Variants in CSMD1 observed in about 807,000 individuals in gnomAD.
CSMD1 encodes CUB and Sushi multiple domains 1, also known as CUB and sushi domain-containing protein 1.
Under a neutral mutation model 417.5 loss-of-function variants are expected in CSMD1, and 213 were observed. The ratio of observed to expected loss-of-function variants is 0.51; its 90% confidence interval spans 0.46 to 0.57. The LOEUF is 0.57. Among genes scored for constraint, CSMD1 ranks in the 20% least tolerant of loss-of-function variants. The pLI is 0.00. For missense variants in CSMD1, 6,923 were observed against 4,529.7 expected (o/e 1.53, Z -15.17); for synonymous variants, 2,862 against 1,736.8 (o/e 1.65, Z -16.11).
chr8:4,784,946 G>A (rs1249196244), intron 1 of CSMD1, among the ~76,000 whole-genome samples: 2 of 150,438 alleles, frequency 1.3e-5, no homozygotes, highest in Admixed American at 6.6e-5. Flanking sequence ...ACTAAATTAG[G>A]CTCATAAGTG....
At chr8:3,694,543 C>G (rs1800442426) in intron 7 of CSMD1, among the ~76,000 whole-genome samples, 1 of 152,046 alleles carries the variant, frequency 6.6e-6, no homozygotes, top group Middle Eastern at 3.4e-3. Context: ...GTGAGATCCC[C>G]AGGTTCAGGT....
chr8:3,562,330 A>C (rs1218454498), intron 10 of CSMD1, among the ~76,000 whole-genome samples: 2 of 152,112 alleles, frequency 1.3e-5, no homozygotes, highest in African/African-American at 4.8e-5. Context: ...CCTTTCCTCT[A>C]TCTGCATCTT....
chr8:4,438,665 C>A (rs1208730555), intron 2 of CSMD1, among the ~76,000 whole-genome samples: 3 of 152,188 alleles, frequency 2.0e-5, no homozygotes, highest in Non-Finnish European at 4.4e-5. Flanking sequence ...GGAATTCCTG[C>A]AGGTAGAGCC....
At position 3,555,278 on chromosome 8, in the gene CSMD1, G is replaced by T. The variant is rs554488786; in HGVS notation, c.1344+19667C>A. On this transcript the variant is annotated intron_variant, in intron 10 of 69. Transcript: ENST00000635120. Reference sequence around the variant, plus strand: ...CTAGGAGTCATGAAGCCAATGGGATGATTTAGGCAGTATTTCAATACTGAG... The same window carrying T: ...CTAGGAGTCATGAAGCCAATGGGATTATTTAGGCAGTATTTCAATACTGAG... Among the ~76,000 whole-genome samples, 11 of 152,234 alleles carry T rather than the reference G, an allele frequency of 7.2e-5. No individual in the cohort carries two copies. In the East Asian group the frequency reaches 1.6e-3, roughly 22 times the overall value.
chr8:4,100,672 A>G (rs1801259730), intron 3 of CSMD1, among the ~76,000 whole-genome samples: 1 of 152,132 alleles, frequency 6.6e-6, no homozygotes, highest in Non-Finnish European at 1.5e-5. Context: ...AGGGTGCTGA[A>G]ATTGCCATTC....
chr8:3,259,470 A>C (rs951641599), intron 26 of CSMD1, among the ~76,000 whole-genome samples: 1 of 152,202 alleles, frequency 6.6e-6, no homozygotes, highest in African/African-American at 2.4e-5. Flanking sequence ...TATCATTCTT[A>C]AGTATTCAAA....
intron 5 of CSMD1, among the ~76,000 whole-genome samples, chr8:3,896,646 G>C (rs1289647796): frequency 6.6e-6 from 1 of 151,930 alleles, no homozygotes; most frequent in Non-Finnish European, 1.5e-5. Flanking sequence ...CGAGTAGCTG[G>C]GACTACAGGC....
At position 4,785,839 on chromosome 8, in the gene CSMD1, G is replaced by T. The variant is rs1232882749; in HGVS notation, c.86-148281C>A. Among the ~76,000 whole-genome samples, 5 of 152,150 alleles carry T rather than the reference G, an allele frequency of 3.3e-5. No individual in the cohort carries two copies. In the East Asian group the frequency reaches 7.7e-4, roughly 24 times the overall value. ...AATGGTGAAACTGTCACTTGGAAAT[G>T]ATTAAAGATGTTCTTCATGATCCTA... On this transcript the variant is annotated intron_variant, in intron 1 of 69. Coordinates refer to ENST00000635120, the MANE Select transcript of CSMD1 (RefSeq NM_033225.6).
chr8:4,862,522 C>A lies in CSMD1; in HGVS notation c.85+131810G>T, dbSNP rs144191638. On this transcript the variant is annotated intron_variant, in intron 1 of 69. Coordinates refer to ENST00000635120, the MANE Select transcript of CSMD1 (RefSeq NM_033225.6). ...CAGTGAAATATCATCGTGGTTTGGA[C>A]GAAGAAGAGTAGTGGAGGTGGTAAG... 6.6e-5 allele frequency among the ~76,000 whole-genome samples: 10 copies of A among 151,710 alleles called. No homozygotes were observed. In the East Asian group the frequency reaches 1.9e-3, roughly 29 times the overall value.
In CSMD1 at chr8:4,461,889, C is replaced by A. The variant is rs532343806; in HGVS notation, c.303-41824G>T. Among the ~76,000 whole-genome samples, 222 of 151,788 alleles carry A rather than the reference C, an allele frequency of 1.5e-3. 1 individual carries two copies. The highest frequency in any genetic ancestry group is 2.3e-3 in the Non-Finnish European group (158 of 67,892). On this transcript the variant is annotated intron_variant, in intron 2 of 69. Coordinates refer to ENST00000635120, the MANE Select transcript of CSMD1 (RefSeq NM_033225.6). ...CCGAGTAGCTCGGACTACAGGAGCC[C>A]GCCACCACGCCCGGCTAATTTTTCT...
At chr8:4,603,661 G>A (rs949695396) in intron 2 of CSMD1, among the ~76,000 whole-genome samples, 1 of 151,994 alleles carries the variant, frequency 6.6e-6, no homozygotes, top group Non-Finnish European at 1.5e-5. Flanking sequence ...TTAAAATGAC[G>A]TGGGTTTCTG....
chr8:3,756,798 A>ATTTTT (rs5888992), intron 5 of CSMD1, among the ~76,000 whole-genome samples: 3 of 149,256 alleles, frequency 2.0e-5, no homozygotes, highest in Admixed American at 6.7e-5. Flanking sequence ...ACCAGGTGGA[A>ATTTTT]TTTTTTTTTT....
intron 10 of CSMD1, among the ~76,000 whole-genome samples, chr8:3,522,366 C>A (rs1022344724): frequency 1.3e-5 from 2 of 152,126 alleles, no homozygotes; most frequent in African/African-American, 4.8e-5. Context: ...GAATGTATGT[C>A]AGGAACAAGT....
At chr8:3,603,613 G>A (rs1373835577) in intron 8 of CSMD1, among the ~76,000 whole-genome samples, 1 of 152,132 alleles carries the variant, frequency 6.6e-6, no homozygotes, top group Non-Finnish European at 1.5e-5. Context: ...TAGGGACATG[G>A]AATGGAAACG....
chr8:3,097,194 G>C (rs3802290), intron 46 of CSMD1, among the ~76,000 whole-genome samples, 157 bp from the exon 47 acceptor site: 27,604 of 152,100 alleles, frequency 0.18, 3,091 homozygotes, highest in East Asian at 0.4. Context: ...CAGAGGGAGG[G>C]CAACATTGAA....
intron 5 of CSMD1, among the ~76,000 whole-genome samples, chr8:3,821,549 G>A (rs969364050): frequency 4.6e-5 from 7 of 152,278 alleles, no homozygotes; most frequent in Non-Finnish European, 8.8e-5. Context: ...TTGAAAGGCC[G>A]AGGAGGGCGG....
At chr8:4,171,856 T>A (rs958406358) in intron 3 of CSMD1, among the ~76,000 whole-genome samples, 1 of 152,194 alleles carries the variant, frequency 6.6e-6, no homozygotes, top group African/African-American at 2.4e-5. Flanking sequence ...TTATGTGTGA[T>A]TCTCTCATTA....
chr8:3,661,994 C>T (rs1041629446), intron 7 of CSMD1, among the ~76,000 whole-genome samples: 4 of 152,100 alleles, frequency 2.6e-5, no homozygotes, highest in Non-Finnish European at 5.9e-5. Flanking sequence ...AGAGGAGCTA[C>T]GCAGACCTTG....
In CSMD1 at chr8:4,578,332, A is replaced by ATTTTTTTTTTTTTT. The variant is rs1172600205; in HGVS notation, c.302+58996_302+59009dup. On this transcript the variant is annotated intron_variant, in intron 2 of 69. Coordinates refer to ENST00000635120, the MANE Select transcript of CSMD1 (RefSeq NM_033225.6). ...AGGCACCTGCCACGACACCCGGCTC[A>ATTTTTTTTTTTTTT]TTTTTTTTTTTTTTTTTTTTTTTTT... is the stretch of plus-strand genomic sequence containing the variant. 4.5e-4 allele frequency among the ~76,000 whole-genome samples: 22 copies of ATTTTTTTTTTTTTT among 48,766 alleles called. 4 individuals are homozygous for ATTTTTTTTTTTTTT. Among genetic ancestry groups the ATTTTTTTTTTTTTT allele is most frequent in the South Asian group, 1.4e-3 (1 of 726 alleles). The allele number at this position is 48,766 out of a possible 152,430, so 32.0% of individuals were successfully genotyped here. A position where few individuals can be genotyped will look rare whatever the true frequency, so the allele number is the denominator to read the frequency against.
Sources: gnomAD v4.1 joint callset for allele counts (sites outside exome capture counted in the v4.1 genomes callset) on GRCh38, gnomAD v4.1.1 for gene constraint, MANE v1.5 for transcripts, NCBI Gene and HGNC (gene_info 2026-07-23, HGNC 2026-07-21) for gene names.